The following KCMF1 variants were observed in gnomAD, a reference collection of about 807,000 sequenced individuals.
KCMF1 encodes potassium channel modulatory factor 1, also known as E3 ubiquitin-protein ligase KCMF1.
Under a neutral mutation model 41.1 loss-of-function variants are expected in KCMF1, and 3 were observed. The observed-to-expected ratio is 0.07, with a 90% CI of 0.03 to 0.19. The LOEUF (loss-of-function observed/expected upper bound fraction) is 0.19. KCMF1 is among the 10% of genes least tolerant of loss of function. The pLI is 1.00. For missense variants in KCMF1, 286 were observed against 488.9 expected, an observed-to-expected ratio of 0.58 and a Z score of 3.91; for synonymous variants, 142 against 164.5, an observed-to-expected ratio of 0.86 and a Z score of 1.04.
Position 85,004,112 on chromosome 2 carries a change from A to G in KCMF1, c.17-23777A>G, listed in dbSNP as rs527576390. 2.0e-5 allele frequency among the ~76,000 whole-genome samples: 3 copies of G among 152,330 alleles called. No homozygotes were observed. In the East Asian group the frequency reaches 5.8e-4, roughly 29 times the overall value. Reference sequence around the variant, plus strand: ...GGACAGTGCATGATGTCATCACACTATTCAAAACAGTAGGTAGTTTAAAAC... The same window carrying G: ...GGACAGTGCATGATGTCATCACACTGTTCAAAACAGTAGGTAGTTTAAAAC... On this transcript the variant is annotated intron_variant, in intron 1 of 6. Coordinates refer to ENST00000409785, the MANE Select transcript of KCMF1 (RefSeq NM_020122.5).
chr2:85,040,170 G>A (rs1040937952), intron 3 of KCMF1, among the ~76,000 whole-genome samples: 1 of 152,150 alleles, frequency 6.6e-6, no homozygotes, highest in Non-Finnish European at 1.5e-5. Context: ...AGCCAGTTAA[G>A]TAAATCTTAA....
chr2:85,010,726 C>T (rs746690555), intron 1 of KCMF1, among the ~76,000 whole-genome samples: 13 of 152,150 alleles, frequency 8.5e-5, no homozygotes, highest in Non-Finnish European at 1.9e-4. Context: ...AATGTAATTT[C>T]TAGTCAGTCT....
chr2:85,029,564 A>G (rs1490424880), intron 2 of KCMF1, among the ~76,000 whole-genome samples: 6 of 151,658 alleles, frequency 4.0e-5, no homozygotes, highest in Non-Finnish European at 8.8e-5. Context: ...GTGCCACTAC[A>G]TTCCGGCCTG....
chr2:85,006,026 T>C (rs1674460814), intron 1 of KCMF1, among the ~76,000 whole-genome samples: 1 of 152,198 alleles, frequency 6.6e-6, no homozygotes, highest in Non-Finnish European at 1.5e-5. Flanking sequence ...TCTTCAGTAA[T>C]GCCTGGTCAC....
At chr2:84,974,021 T>A (rs1265000573) in intron 1 of KCMF1, among the ~76,000 whole-genome samples, 1 of 151,750 alleles carries the variant, frequency 6.6e-6, no homozygotes, top group East Asian at 1.9e-4. Flanking sequence ...AGAGATCGGG[T>A]TTCATCATGT....
At chr2:84,973,336 CAT>C (rs1187396713) in intron 1 of KCMF1, among the ~76,000 whole-genome samples, 2 of 152,198 alleles carry the variant, frequency 1.3e-5, no homozygotes, top group East Asian at 1.9e-4. Context: ...TTGAATGTAA[CAT>C]ATATTCTGTA....
intron 1 of KCMF1, among the ~76,000 whole-genome samples, chr2:85,023,381 C>T (rs1308518312): frequency 2.2e-5 from 3 of 137,250 alleles, no homozygotes; most frequent in African/African-American, 8.2e-5. Context: ...TGCAGTGGCG[C>T]GATCTCAGCT....
chr2:85,049,304 C>G, intron 5 of KCMF1, 62 bp from the exon 6 acceptor site: 1 of 1,512,220 alleles, frequency 6.6e-7, no homozygotes, highest in East Asian at 2.3e-5. Context: ...AAAGAGTGAT[C>G]TGTAGCGTTT....
intron 1 of KCMF1, among the ~76,000 whole-genome samples, chr2:85,025,994 T>A (rs894536908): frequency 4.6e-5 from 7 of 151,850 alleles, no homozygotes; most frequent in East Asian, 1.9e-4. Flanking sequence ...TTAACTTTTT[T>A]AAAAATATTT....
intron 1 of KCMF1, among the ~76,000 whole-genome samples, chr2:85,021,062 G>A (rs907219599): frequency 1.3e-5 from 2 of 152,046 alleles, no homozygotes; most frequent in Non-Finnish European, 2.9e-5. Flanking sequence ...TTGTCTTCAC[G>A]CACTAAATGT....
At chr2:84,975,399 G>A (rs1673520333) in intron 1 of KCMF1, among the ~76,000 whole-genome samples, 1 of 152,140 alleles carries the variant, frequency 6.6e-6, no homozygotes, top group African/African-American at 2.4e-5. Flanking sequence ...TTCTTTGGGT[G>A]ATGGGAAATG....
intron 1 of KCMF1, among the ~76,000 whole-genome samples, chr2:85,020,455 G>T (rs1674903351): frequency 6.6e-6 from 1 of 152,028 alleles, no homozygotes; most frequent in Non-Finnish European, 1.5e-5. Context: ...TTGAGATAGG[G>T]TCTCACTCTG....
At chr2:85,015,076 C>A (rs1674738228) in intron 1 of KCMF1, among the ~76,000 whole-genome samples, 1 of 149,638 alleles carries the variant, frequency 6.7e-6, no homozygotes, top group Non-Finnish European at 1.5e-5. Flanking sequence ...AAGTCTTATA[C>A]CAAGGAGGCG....
intron 3 of KCMF1, among the ~76,000 whole-genome samples, chr2:85,036,130 C>G (rs75043878): frequency 0.066 from 10,097 of 152,206 alleles, 586 homozygotes; most frequent in East Asian, 0.34. Flanking sequence ...CCCACTGACA[C>G]TGCTAGTTTG....
At position 84,992,982 on chromosome 2, in the gene KCMF1, C is replaced by A. The variant is rs1013125310; in HGVS notation, c.16+21515C>A. Among the ~76,000 whole-genome samples, 9 of 152,152 alleles carry A rather than the reference C, an allele frequency of 5.9e-5. No individual in the cohort carries two copies. In the South Asian group the frequency reaches 8.3e-4, roughly 14 times the overall value. On this transcript the variant is annotated intron_variant, in intron 1 of 6. Transcript: ENST00000409785. ...GTCGAGGCAGGCAGGTCCCTTGAGC[C>A]CAGGTATTCGAGACTAGCCTGAACA...
chr2:85,005,600 T>A (rs1674452783), intron 1 of KCMF1, among the ~76,000 whole-genome samples: 1 of 152,208 alleles, frequency 6.6e-6, no homozygotes. Flanking sequence ...TAACTTTTTT[T>A]ATTTTTAATT....
chr2:85,033,235 C>T (rs752265618), intron 2 of KCMF1, among the ~76,000 whole-genome samples: 5 of 152,150 alleles, frequency 3.3e-5, no homozygotes, highest in Non-Finnish European at 5.9e-5. Context: ...GTAATGAACA[C>T]TTTCTTCCAT....
At chr2:85,034,019 CAA>C (rs543294824) in intron 2 of KCMF1, among the ~76,000 whole-genome samples, 1 of 128,706 alleles carries the variant, frequency 7.8e-6, no homozygotes, top group South Asian at 2.5e-4. Flanking sequence ...CCCATCTTTC[CAA>C]AAAAAAAAAA....
At chr2:84,995,677 G>A (rs766475534) in intron 1 of KCMF1, among the ~76,000 whole-genome samples, 2 of 152,142 alleles carry the variant, frequency 1.3e-5, no homozygotes, top group African/African-American at 4.8e-5. Context: ...TCTTGGCTGA[G>A]CACGATGGCT....
Sources: allele counts gnomAD v4.1 joint callset (sites outside exome capture counted in the v4.1 genomes callset), GRCh38; gene constraint gnomAD v4.1.1; transcripts MANE v1.5; gene names NCBI Gene and HGNC (gene_info 2026-07-23, HGNC 2026-07-21).